Variants in FAM47C observed in about 807,000 individuals in gnomAD.
FAM47C encodes the protein family with sequence similarity 47 member C.
For synonymous variants in FAM47C, 307 were observed against 346.5 expected (o/e 0.89, Z 1.27); for missense variants, 847 against 879.9 (o/e 0.96, Z 0.47).
Position 37,009,573 on chromosome X carries a change from C to T in FAM47C, c.1163C>T (p.Pro388Leu). The change falls in exon 1 of 1, where the codon CCT becomes CTT. Residue 388 changes from proline to leucine, a missense_variant. By Grantham distance (98) the Pro-to-Leu change is moderately conservative. Transcript: ENST00000358047. ...LCPEPPKTRVPPLRPETPKNG... is the reference protein window; with the variant it reads ...LCPEPPKTRVLPLRPETPKNG... The stretch of plus-strand genomic sequence containing the variant: ...CCGGAACCTCCCAAGACTCGCGTAC[C>T]TCCTCTCCGCCCAGAGACCCCCAAG... 8.3e-7 allele frequency: 1 copy of T among 1,209,579 alleles called. No homozygotes were observed. Among genetic ancestry groups the T allele is most frequent in the Non-Finnish European group, 1.1e-6 (1 of 894,804 alleles).
chrX:37,008,394 C>T lies in FAM47C; in HGVS notation c.-17C>T, dbSNP rs1927656484. On this transcript the variant is annotated 5_prime_UTR_variant, in exon 1 of 1. Coordinates refer to ENST00000358047, the MANE Select transcript of FAM47C (RefSeq NM_001013736.3). ...AACCGCGGAAACTGGAGAGGTGGCA[C>T]CCCAGCGAGGGCCACCATGGGGGAC... is the stretch of plus-strand genomic sequence containing the variant. 1 of 1,178,344 alleles carries T rather than the reference C, an allele frequency of 8.5e-7. No individual in the cohort carries two copies. The highest frequency in any genetic ancestry group is 1.1e-6 in the Non-Finnish European group (1 of 876,724).
rs782487004 is a variant in FAM47C, at chrX:37,009,567, G to A, written c.1157G>A (p.Arg386His). 8.3e-6 allele frequency: 10 copies of A among 1,206,601 alleles called. No individual in the cohort carries two copies. The highest frequency in any genetic ancestry group is 6.0e-5 in the East Asian group (2 of 33,580). Residue 386 changes from arginine (R) to histidine (H), a missense_variant, in exon 1 of 1, where the codon CGC becomes CAC. Physicochemically the swap from Arg to His is conservative, Grantham distance 29 (BLOSUM62 0). Coordinates refer to ENST00000358047, the MANE Select transcript of FAM47C (RefSeq NM_001013736.3). ...SHLCPEPPKT[R>H]VPPLRPETPK... is the part of the protein sequence containing the mutation. ...CTCTGCCCGGAACCTCCCAAGACTC[G>A]CGTACCTCCTCTCCGCCCAGAGACC...
chrX:37,009,641 A>C lies in FAM47C; in HGVS notation c.1231A>C (p.Ile411Leu). The change falls in exon 1 of 1, where the codon ATA (isoleucine) becomes CTA (leucine). Residue 411 changes from isoleucine to leucine, a missense_variant. Transcript: ENST00000358047. ...PLFPEPPKTR[I>L]SNLRSEPPKI... The stretch of plus-strand genomic sequence containing the variant: ...CTTCCCGGAGCCTCCCAAGACTCGC[A>C]TATCTAATCTCCGCTCGGAGCCTCC... 8.7e-7 allele frequency: 1 copy of C among 1,152,496 alleles called. No homozygotes were observed. Among genetic ancestry groups the C allele is most frequent in the South Asian group, 1.8e-5 (1 of 55,359 alleles). The allele number at this position is 1,152,496 out of a possible 1,213,427, so 95.0% of individuals were successfully genotyped here. A position where few individuals can be genotyped will look rare whatever the true frequency, so the allele number is the denominator to read the frequency against.
At position 37,011,296 on chromosome X, in the gene FAM47C, C is replaced by T. The variant is rs1556333426; in HGVS notation, c.2886C>T (p.Leu962=). The part of the protein sequence containing the change: ...RSDEPLIDPK[L]VLEKPDEPDI... The stretch of plus-strand genomic sequence containing the variant: ...ATGAACCTTTGATTGACCCCAAGCT[C>T]GTACTTGAAAAGCCTGATGAACCCG... The change falls in exon 1 of 1, where the codon CTC becomes CTT. Residue 962 remains leucine (L), a synonymous_variant. Transcript: ENST00000358047. 2.0e-5 allele frequency: 24 copies of T among 1,207,998 alleles called. No homozygotes were observed. The highest frequency in any genetic ancestry group is 1.1e-4 in the Admixed American group (5 of 45,499).
rs1404521499 is a variant in FAM47C, at chrX:37,009,137, G to A, written c.727G>A (p.Val243Met). The change falls in exon 1 of 1, where the codon GTG becomes ATG. Residue 243 changes from valine to methionine, a missense_variant. Val to Met is a conservative substitution (Grantham distance 21). Coordinates refer to ENST00000358047, the MANE Select transcript of FAM47C (RefSeq NM_001013736.3). ...SLHLEPPETG[V>M]SHLRPEPPKT... is the part of the protein sequence containing the mutation. ...CCACCTGGAGCCTCCAGAGACTGGA[G>A]TGTCCCATCTCCGCCCAGAGCCTCC... The A allele has an allele frequency of 8.3e-7, 1 of 1,207,201 alleles. No homozygotes were observed. Among genetic ancestry groups the A allele is most frequent in the Non-Finnish European group, 1.1e-6 (1 of 894,194 alleles).
chrX:37,010,359 G>C lies in FAM47C; in HGVS notation c.1949G>C (p.Gly650Ala), dbSNP rs782458681. The C allele has an allele frequency of 1.7e-6, 2 of 1,182,602 alleles. No homozygotes were observed. The highest frequency in any genetic ancestry group is 2.3e-6 in the Non-Finnish European group (2 of 886,427). Residue 650 changes from glycine to alanine, a missense_variant, in exon 1 of 1, where the codon GGA becomes GCA. Gly to Ala is a moderately conservative substitution (Grantham distance 60). Transcript: ENST00000358047. ...CTCCGCCCGGAGCCTCCCAATACTG[G>C]AGTGTCCCATCTCTGCCCAGAGCCT... is the stretch of plus-strand genomic sequence containing the variant. ...YSLRPEPPNT[G>A]VSHLCPEPPK...
Position 37,009,978 on chromosome X carries a change from G to C in FAM47C, c.1568G>C (p.Arg523Pro), listed in dbSNP as rs1415479281. 2.5e-6 allele frequency: 3 copies of C among 1,199,266 alleles called. No individual in the cohort carries two copies. In the African/African-American group the frequency reaches 5.6e-5, roughly 22 times the overall value. The change falls in exon 1 of 1, where the codon CGC (arginine) becomes CCC (proline). Residue 523 changes from arginine to proline, a missense_variant. By Grantham distance (103) the Arg-to-Pro change is moderately radical (BLOSUM62 -2). Transcript: ENST00000358047. ...EPSETGVSHL[R>P]PEPPKILVSS... ...TCTGAGACTGGAGTGTCCCATCTCC[G>C]CCCAGAGCCTCCCAAGATTCTGGTG...
rs1313901533 is a variant in FAM47C at position 37,011,182 on chromosome X, T to G, written c.2772T>G (p.Asn924Lys). The G allele has an allele frequency of 3.3e-6, 4 of 1,209,106 alleles. No homozygotes were observed. The Admixed American group carries it at 8.7e-5, about 26-fold the overall frequency. ...QEKDLDGKIQ[N>K]APNSHSAQHV... Reference sequence around the variant, plus strand: ...AAGACTTGGACGGGAAAATCCAGAATGCACCAAATTCTCATAGTGCACAGC... The same window carrying G: ...AAGACTTGGACGGGAAAATCCAGAAGGCACCAAATTCTCATAGTGCACAGC... Residue 924 changes from asparagine to lysine, a missense_variant, in exon 1 of 1, where the codon AAT (asparagine) becomes AAG (lysine). Physicochemically the swap from Asn to Lys is moderately conservative, Grantham distance 94. Coordinates refer to ENST00000358047, the MANE Select transcript of FAM47C (RefSeq NM_001013736.3).
chrX:37,011,104 G>C lies in FAM47C; in HGVS notation c.2694G>C (p.Lys898Asn). The C allele has an allele frequency of 8.3e-7, 1 of 1,212,034 alleles. No homozygotes were observed. Among genetic ancestry groups the C allele is most frequent in the Non-Finnish European group, 1.1e-6 (1 of 895,620 alleles). Residue 898 changes from lysine (K) to asparagine (N), a missense_variant, in exon 1 of 1, where the codon AAG becomes AAC. Transcript: ENST00000358047. ...CAAACGAGTGTTCCTCAGGGCTGAA[G>C]TACAGCATGGAGCTAGACGAAATGG... is the stretch of plus-strand genomic sequence containing the variant. ...KKANECSSGL[K>N]YSMELDEMDE...
At position 37,010,408 on chromosome X, in the gene FAM47C, C is replaced by G; in HGVS notation, c.1998C>G (p.Leu666=). The G allele has an allele frequency of 1.7e-6, 2 of 1,176,788 alleles. No individual in the cohort carries two copies. Among genetic ancestry groups the G allele is most frequent in the Admixed American group, 2.3e-5 (1 of 42,924 alleles). Residue 666 remains leucine, a synonymous_variant, in exon 1 of 1, where the codon CTC becomes CTG. Coordinates refer to ENST00000358047, the MANE Select transcript of FAM47C (RefSeq NM_001013736.3). The part of the protein sequence containing the change: ...PEPPKTRVSS[L]PPEPPETGVS... ...CTCCCAAGACTCGGGTGTCCAGTCT[C>G]CCCCCGGAGCCCCCCGAGACTGGAG... is the stretch of plus-strand genomic sequence containing the variant.
In FAM47C at chrX:37,010,646, C is replaced by T. The variant is rs199727942; in HGVS notation, c.2236C>T (p.Arg746Trp). 62 of 1,200,962 alleles carry T rather than the reference C, an allele frequency of 5.2e-5. No individual in the cohort carries two copies. The highest frequency in any genetic ancestry group is 6.5e-5 in the Non-Finnish European group (58 of 892,247). ...TCTCCGCCCAGAGCCTCCCAAGCCT[C>T]GGGTTTCCAGTCTCCGCCCAGAGCC... ...SHLRPEPPKPRVSSLRPEPLE... is the reference protein window; with the variant it reads ...SHLRPEPPKPWVSSLRPEPLE... Residue 746 changes from arginine to tryptophan, a missense_variant, in exon 1 of 1, where the codon CGG (arginine) becomes TGG (tryptophan). By Grantham distance (101) the Arg-to-Trp change is moderately radical (BLOSUM62 -3). Transcript: ENST00000358047.
rs1241067847 is a variant in FAM47C, at chrX:37,008,573, A to G, written c.163A>G (p.Met55Val). The stretch of plus-strand genomic sequence containing the variant: ...GAACTGGGTATTTGTGACGGAGGGC[A>G]TGGACGACTTCCGCTACGGCTGTCA... The part of the protein sequence containing the change: ...TQNWVFVTEG[M>V]DDFRYGCQSP... The change falls in exon 1 of 1, where the codon ATG becomes GTG. Residue 55 changes from methionine (M) to valine (V), a missense_variant. By Grantham distance (21) the Met-to-Val change is conservative. Coordinates refer to ENST00000358047, the MANE Select transcript of FAM47C (RefSeq NM_001013736.3). 1 of 1,211,500 alleles carries G rather than the reference A, an allele frequency of 8.3e-7. No homozygotes were observed. The highest frequency in any genetic ancestry group is 1.1e-6 in the Non-Finnish European group (1 of 895,495).
rs1556332245 is a variant in FAM47C, at chrX:37,009,654, G to T, written c.1244G>T (p.Arg415Leu). 8 of 1,201,257 alleles carry T rather than the reference G, an allele frequency of 6.7e-6. No individual in the cohort carries two copies. The highest frequency in any genetic ancestry group is 9.0e-6 in the Non-Finnish European group (8 of 892,075). Reference protein sequence around the residue: ...EPPKTRISNLRSEPPKIGVSH... With the variant: ...EPPKTRISNLLSEPPKIGVSH... ...CCCAAGACTCGCATATCTAATCTCC[G>T]CTCGGAGCCTCCCAAGATTGGAGTG... The change falls in exon 1 of 1, where the codon CGC becomes CTC. Residue 415 changes from arginine to leucine, a missense_variant. Physicochemically the swap from Arg to Leu is moderately radical, Grantham distance 102. Coordinates refer to ENST00000358047, the MANE Select transcript of FAM47C (RefSeq NM_001013736.3).
At position 37,011,203 on chromosome X, in the gene FAM47C, A is replaced by G. The variant is rs1556333394; in HGVS notation, c.2793A>G (p.Ala931=). ...KIQNAPNSHS[A]QHVKMGYGAW... ...AGAATGCACCAAATTCTCATAGTGCACAGCATGTGAAGATGGGGTATGGAG... is the reference window on the plus strand; with the variant it reads ...AGAATGCACCAAATTCTCATAGTGCGCAGCATGTGAAGATGGGGTATGGAG... The change falls in exon 1 of 1, where the codon GCA becomes GCG. Residue 931 remains alanine, a synonymous_variant. Coordinates refer to ENST00000358047, the MANE Select transcript of FAM47C (RefSeq NM_001013736.3). The G allele has an allele frequency of 3.3e-6, 4 of 1,209,676 alleles. No individual in the cohort carries two copies. The African/African-American group carries it at 5.2e-5, about 16-fold the overall frequency.
rs142244745 is a variant in FAM47C at position 37,009,366 on chromosome X, G to T, written c.956G>T (p.Arg319Leu). The T allele has an allele frequency of 1.7e-6, 2 of 1,197,432 alleles. No individual in the cohort carries two copies. Among genetic ancestry groups the T allele is most frequent in the African/African-American group, 1.9e-5 (1 of 52,607 alleles). ...CCCAAGTCACGCGTATCTCATCTCC[G>T]CCCAGAGCCTTCTGAGACTGGAGTG... ...EPPKSRVSHL[R>L]PEPSETGVSH... Residue 319 changes from arginine (R) to leucine (L), a missense_variant, in exon 1 of 1, where the codon CGC becomes CTC. Coordinates refer to ENST00000358047, the MANE Select transcript of FAM47C (RefSeq NM_001013736.3).
In FAM47C at chrX:37,010,868, G is replaced by A. The variant is rs868974956; in HGVS notation, c.2458G>A (p.Gly820Arg). 3.3e-6 allele frequency: 4 copies of A among 1,211,925 alleles called. No homozygotes were observed. The highest frequency in any genetic ancestry group is 3.5e-5 in the South Asian group (2 of 56,968). Residue 820 changes from glycine (G) to arginine (R), a missense_variant, in exon 1 of 1, where the codon GGA (glycine) becomes AGA (arginine). Transcript: ENST00000358047. ...SSLCPEPTKT[G>R]ASHLKELFQE... ...TCTCTGCCCGGAGCCTACCAAGACC[G>A]GAGCGTCCCATCTAAAAGAACTGTT...
In FAM47C at chrX:37,009,437, C is replaced by T; in HGVS notation, c.1027C>T (p.His343Tyr). 8.3e-7 allele frequency: 1 copy of T among 1,208,540 alleles called. No individual in the cohort carries two copies. The highest frequency in any genetic ancestry group is 1.1e-6 in the Non-Finnish European group (1 of 894,449). Residue 343 changes from histidine (H) to tyrosine (Y), a missense_variant, in exon 1 of 1, where the codon CAC becomes TAC. Coordinates refer to ENST00000358047, the MANE Select transcript of FAM47C (RefSeq NM_001013736.3). ...EPPKTLVSSL[H>Y]PEPPETGVSH... ...TCCCAAGACTCTGGTGTCCAGTCTC[C>T]ACCCAGAGCCTCCCGAGACTGGAGT...
Position 37,008,815 on chromosome X carries a change from C to T in FAM47C, c.405C>T (p.Pro135=), listed in dbSNP as rs1278709082. 8.3e-7 allele frequency: 1 copy of T among 1,210,058 alleles called. No homozygotes were observed. The highest frequency in any genetic ancestry group is 1.1e-6 in the Non-Finnish European group (1 of 895,200). ...LMTKHPLAMY[P]NLGEDMPPDL... is the part of the protein sequence containing the mutation. ...CCAAGCATCCCTTGGCCATGTACCC[C>T]AATCTGGGAGAAGATATGCCTCCAG... The change falls in exon 1 of 1, where the codon CCC becomes CCT. Residue 135 remains proline (P), a synonymous_variant. Transcript: ENST00000358047.
chrX:37,010,037 G>C lies in FAM47C; in HGVS notation c.1627G>C (p.Val543Leu). ...CCACCAGGCACCTCCTGAGAGTAGC[G>C]TATCTCATCTCCGCCCAGAGCCTCC... ...SLHQAPPESSVSHLRPEPPET... is the reference protein window; with the variant it reads ...SLHQAPPESSLSHLRPEPPET... Residue 543 changes from valine to leucine, a missense_variant, in exon 1 of 1, where the codon GTA becomes CTA. By Grantham distance (32) the Val-to-Leu change is conservative. Coordinates refer to ENST00000358047, the MANE Select transcript of FAM47C (RefSeq NM_001013736.3). The C allele has an allele frequency of 1.7e-6, 2 of 1,192,504 alleles. No individual in the cohort carries two copies. Among genetic ancestry groups the C allele is most frequent in the Admixed American group, 2.3e-5 (1 of 43,252 alleles).
Sources: allele counts gnomAD v4.1 joint callset, GRCh38; gene constraint gnomAD v4.1.1; transcripts MANE v1.5; gene names NCBI Gene and HGNC (gene_info 2026-07-23, HGNC 2026-07-21).